Variants in PHF21B observed in about 807,000 individuals in gnomAD.
PHF21B encodes the protein PHD finger protein 21B.
A neutral mutation model predicts 62.2 loss-of-function variants in PHF21B; 22 were observed. That is an observed-to-expected ratio of 0.35 (90% confidence interval 0.25 to 0.51). PHF21B has a LOEUF of 0.51. PHF21B is among the 20% of genes least tolerant of loss of function. The pLI, the probability that PHF21B is intolerant of heterozygous loss-of-function variation, is 0.97. For missense variants in PHF21B, 701 were observed against 707.9 expected (o/e 0.99, Z 0.11); for synonymous variants, 341 against 314.7 (o/e 1.08, Z -0.88).
rs751627958 is a variant in PHF21B, at chr22:44,883,095, G to C, written c.1587C>G (p.Gly529=). The change falls in exon 13 of 13, where the codon GGC becomes GGG. Residue 529 remains glycine (G), a synonymous_variant. Transcript: ENST00000313237. ...ATHPTVQHPQ[G]HN ...GACTGGTCCCTCGGGGTCAGTTGTG[G>C]CCCTGGGGGTGCTGGACGGTGGGGT... 2.5e-6 allele frequency: 4 copies of C among 1,610,522 alleles called. No homozygotes were observed. In the African/African-American group the frequency reaches 5.3e-5, roughly 22 times the overall value.
chr22:44,954,494 C>A (rs1601639688), intron 2 of PHF21B, among the ~76,000 whole-genome samples: 1 of 152,362 alleles, frequency 6.6e-6, no homozygotes, highest in East Asian at 1.9e-4. Context: ...AGCTGCTCCA[C>A]CCTAGCAGCT....
chr22:44,969,698 C>CCA (rs1287131751), intron 2 of PHF21B, among the ~76,000 whole-genome samples: 1 of 152,058 alleles, frequency 6.6e-6, no homozygotes, highest in East Asian at 1.9e-4. Flanking sequence ...AAAAATGGAG[C>CCA]CATTTGAGGA....
At chr22:44,947,046 TCC>T (rs2072088047) in intron 2 of PHF21B, among the ~76,000 whole-genome samples, 1 of 151,372 alleles carries the variant, frequency 6.6e-6, no homozygotes, top group African/African-American at 2.5e-5. Flanking sequence ...CTGTTATTCA[TCC>T]CCTGTTAAAC....
chr22:45,003,339 G>C (rs55702264), intron 2 of PHF21B: 175 of 152,306 alleles, frequency 1.1e-3, no homozygotes, highest in African/African-American at 3.9e-3. Flanking sequence ...ATCTACACAA[G>C]CAAGGCTAAG....
chr22:45,005,860 A>G (rs1204148395), intron 2 of PHF21B, among the ~76,000 whole-genome samples: 1 of 152,216 alleles, frequency 6.6e-6, no homozygotes, highest in African/African-American at 2.4e-5. Flanking sequence ...TTAAATAAAC[A>G]AACTGTGACA....
In PHF21B at chr22:44,994,023, T is replaced by C. The variant is rs377507797; in HGVS notation, c.120+14522A>G. On this transcript the variant is annotated intron_variant, in intron 2 of 12. Coordinates refer to ENST00000313237, the MANE Select transcript of PHF21B (RefSeq NM_138415.5). Reference sequence around the variant, plus strand: ...CCGCTTAGGATGGAGCACGGGTTCATAGTTTGTCCATCTCAGCTTCTGGCT... The same window carrying C: ...CCGCTTAGGATGGAGCACGGGTTCACAGTTTGTCCATCTCAGCTTCTGGCT... Among the ~76,000 whole-genome samples, 30 of 152,288 alleles carry C rather than the reference T, an allele frequency of 2.0e-4. 1 individual carries two copies. Among genetic ancestry groups the C allele is most frequent in the Admixed American group, 1.2e-3 (18 of 15,314 alleles).
At chr22:44,897,051 G>A (rs1239498871) in intron 5 of PHF21B, among the ~76,000 whole-genome samples, 4 of 151,736 alleles carry the variant, frequency 2.6e-5, no homozygotes, top group East Asian at 1.9e-4. Context: ...GCTAATTTTC[G>A]TATTTTTTGA....
At chr22:44,968,788 C>G in intron 2 of PHF21B, among the ~76,000 whole-genome samples, 1 of 152,132 alleles carries the variant, frequency 6.6e-6, no homozygotes, top group East Asian at 1.9e-4. Flanking sequence ...ATGAGTGCTT[C>G]CTTTGAGTGT....
At position 44,891,287 on chromosome 22, in the gene PHF21B, G is replaced by A. The variant is rs1007037652; in HGVS notation, c.1015+19C>T. On this transcript the variant is annotated intron_variant, in intron 8 of 12. Transcript: ENST00000313237. ...CGGCCCTGAGCAGCTCTGGCAGAAGGCCTGAAGCCGGTGCTTACCTCTCGC... is the reference window on the plus strand; with the variant it reads ...CGGCCCTGAGCAGCTCTGGCAGAAGACCTGAAGCCGGTGCTTACCTCTCGC... 7 of 1,613,218 alleles carry A rather than the reference G, an allele frequency of 4.3e-6. No individual in the cohort carries two copies. The highest frequency in any genetic ancestry group is 5.9e-6 in the Non-Finnish European group (7 of 1,179,808).
intron 2 of PHF21B, among the ~76,000 whole-genome samples, chr22:44,977,490 G>C (rs1414081653): frequency 6.6e-6 from 1 of 151,950 alleles, no homozygotes; most frequent in Non-Finnish European, 1.5e-5. Flanking sequence ...ACTTGAACCT[G>C]AGAGGCGGAG....
At position 45,009,346 on chromosome 22, in the gene PHF21B, C is replaced by G; in HGVS notation, c.54+150G>C. 1.3e-6 allele frequency: 1 copy of G among 776,316 alleles called. No individual in the cohort carries two copies. Among genetic ancestry groups the G allele is most frequent in the Non-Finnish European group, 2.0e-6 (1 of 508,924 alleles). 48.1% of individuals were successfully genotyped at this position (776,316 alleles called of 1,614,324 possible). ...AGGGGAGCCCAGAAGGGGGTCCGCG[C>G]GTGTGCTCACTCCCTCGCCCCCCGC... On this transcript the variant is annotated intron_variant, in intron 1 of 12. Transcript: ENST00000313237. The surrounding 1 kb of genome is among the most constrained non-coding windows in gnomAD (Gnocchi z 5.9).
intron 2 of PHF21B, among the ~76,000 whole-genome samples, chr22:45,003,822 G>A (rs1226777164): frequency 4.6e-5 from 7 of 152,224 alleles, no homozygotes; most frequent in Admixed American, 2.6e-4. Flanking sequence ...AAAAGCTAGT[G>A]AAGTGCTGAT....
At chr22:44,966,445 T>G (rs73178268) in intron 2 of PHF21B, among the ~76,000 whole-genome samples, 6,105 of 152,264 alleles carry the variant, frequency 0.04, 164 homozygotes, top group Non-Finnish European at 0.056. Context: ...CAGCGTCTAC[T>G]GGGAGCTTTG....
chr22:44,984,179 CAA>C (rs2072901185), intron 2 of PHF21B, among the ~76,000 whole-genome samples: 1 of 105,206 alleles, frequency 9.5e-6, no homozygotes, highest in African/African-American at 3.5e-5. Flanking sequence ...ATCACCATCA[CAA>C]CCACCATCAT....
At chr22:44,944,420 G>A (rs2072022816) in intron 2 of PHF21B, among the ~76,000 whole-genome samples, 1 of 152,170 alleles carries the variant, frequency 6.6e-6, no homozygotes, top group African/African-American at 2.4e-5. Context: ...CTCCTCTCTG[G>A]TCATCTGAAG....
intron 5 of PHF21B, 24 bp from the exon 6 acceptor site, chr22:44,896,107 A>G (rs1489359420): frequency 6.2e-7 from 1 of 1,613,868 alleles, no homozygotes. Flanking sequence ...CAGACAAAGG[A>G]GCATTAACAC....
intron 2 of PHF21B, among the ~76,000 whole-genome samples, chr22:44,992,189 G>A (rs1875943094): frequency 6.6e-6 from 1 of 152,228 alleles, no homozygotes; most frequent in Non-Finnish European, 1.5e-5. Flanking sequence ...CTCTGAAGTT[G>A]CAGAAAGCAC....
chr22:44,924,292 G>A (rs910180283), intron 2 of PHF21B, among the ~76,000 whole-genome samples: 2 of 152,198 alleles, frequency 1.3e-5, no homozygotes, highest in African/African-American at 4.8e-5. Context: ...GTGCTGGTGA[G>A]GATGTAGAGC....
chr22:44,957,327 G>C (rs1208340843), intron 2 of PHF21B, among the ~76,000 whole-genome samples: 1 of 152,160 alleles, frequency 6.6e-6, no homozygotes, highest in Non-Finnish European at 1.5e-5. Context: ...CTGATCCTTT[G>C]CATGAAAAAC....
Sources: gnomAD v4.1 joint callset for allele counts (sites outside exome capture counted in the v4.1 genomes callset) on GRCh38, gnomAD v4.1.1 for gene constraint, Gnocchi (gnomAD v3.1) non-coding constraint, MANE v1.5 for transcripts, NCBI Gene and HGNC (gene_info 2026-07-23, HGNC 2026-07-21) for gene names.